The following NPHS2 variants were observed in gnomAD, a reference collection of about 807,000 sequenced individuals.
NPHS2 encodes podocin.
Under a neutral mutation model 37.1 loss-of-function variants are expected in NPHS2, and 36 were observed. The observed-to-expected ratio is 0.97, with a 90% CI of 0.74 to 1.28. NPHS2 has a LOEUF of 1.28. NPHS2 is among the 50% of genes most tolerant of loss of function. The pLI is 0.00. For missense variants in NPHS2, 447 were observed against 488.1 expected, an observed-to-expected ratio of 0.92 and a Z score of 0.79; for synonymous variants, 196 against 189.3, an observed-to-expected ratio of 1.04 and a Z score of -0.29.
intron 6 of NPHS2, among the ~76,000 whole-genome samples, chr1:179,554,140 C>G (rs1928005): frequency 0.12 from 17,818 of 152,150 alleles, 1,212 homozygotes; most frequent in African/African-American, 0.16. Flanking sequence ...TCTCAAACTC[C>G]TGACCTCAAG....
Position 179,551,067 on chromosome 1 carries a change from A to T in NPHS2, c.*106T>A, listed in dbSNP as rs578161646. ...ACTTCGTGCATTCCATGGCCATTCC[A>T]TATGGCAACCAAAGGAAGGGCAGGG... is the stretch of plus-strand genomic sequence containing the variant. On this transcript the variant is annotated 3_prime_UTR_variant, in exon 8 of 8. Transcript: ENST00000367615. 1 of 1,407,682 alleles carries T rather than the reference A, an allele frequency of 7.1e-7. No individual in the cohort carries two copies. Among genetic ancestry groups the T allele is most frequent in the South Asian group, 1.2e-5 (1 of 84,646 alleles). The allele number at this position is 1,407,682 out of a possible 1,614,324, so 87.2% of individuals were successfully genotyped here. A position where few individuals can be genotyped will look rare whatever the true frequency, so the allele number is the denominator to read the frequency against.
rs773060365 is a variant in NPHS2, at chr1:179,559,704, T to G, written c.509A>C (p.Gln170Pro). The change falls in exon 4 of 8, where the codon CAA (glutamine) becomes CCA (proline). Residue 170 changes from glutamine to proline, a missense_variant. Physicochemically the swap from Gln to Pro is moderately conservative, Grantham distance 76. Transcript: ENST00000367615. The part of the protein sequence containing the change: ...DTYHKVDLRL[Q>P]TLEIPFHEIV... ...CTCATGAAAAGGTATCTCCAGAGTT[T>G]GGAGACGAAGGTCAACCTTGTGGTA... 6.3e-7 allele frequency: 1 copy of G among 1,591,310 alleles called. No individual in the cohort carries two copies. The highest frequency in any genetic ancestry group is 8.6e-7 in the Non-Finnish European group (1 of 1,166,262).
intron 1 of NPHS2, among the ~76,000 whole-genome samples, chr1:179,568,996 A>T (rs1440586819): frequency 6.6e-6 from 1 of 152,054 alleles, no homozygotes; most frequent in Non-Finnish European, 1.5e-5. Context: ...TAGAATAAAT[A>T]TGATGTGGTG....
At chr1:179,568,670 T>C (rs1674427927) in intron 1 of NPHS2, among the ~76,000 whole-genome samples, 1 of 152,252 alleles carries the variant, frequency 6.6e-6, no homozygotes, top group African/African-American at 2.4e-5. Context: ...TCTTTCCTGG[T>C]TTCTCTTGTG....
At chr1:179,564,562 G>C in intron 2 of NPHS2, 128 bp downstream of exon 2, 2 of 819,276 alleles carry the variant, frequency 2.4e-6, no homozygotes, top group Non-Finnish European at 4.2e-6. Flanking sequence ...ATCCTGGAAG[G>C]TGAGTCTGGG....
intron 1 of NPHS2, among the ~76,000 whole-genome samples, chr1:179,569,500 G>A (rs992441777): frequency 3.9e-5 from 6 of 152,088 alleles, no homozygotes; most frequent in African/African-American, 1.4e-4. Context: ...TATCCAATTT[G>A]CCAGTCTGTG....
At position 179,568,473 on chromosome 1, in the gene NPHS2, T is replaced by C. The variant is rs1572290820; in HGVS notation, c.275-3680A>G. Among the ~76,000 whole-genome samples the C allele has an allele frequency of 2.6e-5, 4 of 151,846 alleles. No individual in the cohort carries two copies. In the South Asian group the frequency reaches 8.3e-4, roughly 31 times the overall value. ...TTCTTTATTAGTCTTGCTAGCGGTC[T>C]ATTTTGTTAATCTTTTCAAAAAACC... On this transcript the variant is annotated intron_variant, in intron 1 of 7. Coordinates refer to ENST00000367615, the MANE Select transcript of NPHS2 (RefSeq NM_014625.4).
intron 4 of NPHS2, among the ~76,000 whole-genome samples, chr1:179,558,189 A>G (rs183366670): frequency 2.6e-5 from 4 of 152,178 alleles, no homozygotes; most frequent in East Asian, 1.9e-4. Flanking sequence ...TAACTCTTTC[A>G]TCTTGTAAAA....
intron 6 of NPHS2, among the ~76,000 whole-genome samples, chr1:179,553,574 C>G (rs1318587150): frequency 1.3e-5 from 2 of 152,158 alleles, no homozygotes; most frequent in African/African-American, 4.8e-5. Flanking sequence ...GAGACAGAAA[C>G]TAAATTAGTG....
At chr1:179,574,156 G>A (rs919283463) in intron 1 of NPHS2, among the ~76,000 whole-genome samples, 1 of 152,112 alleles carries the variant, frequency 6.6e-6, no homozygotes, top group African/African-American at 2.4e-5. Flanking sequence ...TCCTGCTTTT[G>A]TTACTCTGTA....
At chr1:179,558,711 A>G (rs1674026096) in intron 4 of NPHS2, among the ~76,000 whole-genome samples, 1 of 152,126 alleles carries the variant, frequency 6.6e-6, no homozygotes, top group Non-Finnish European at 1.5e-5. Flanking sequence ...ACAGTGCACG[A>G]GGGTTCCAAT....
intron 1 of NPHS2, 133 bp downstream of exon 1, chr1:179,575,458 G>T: frequency 7.9e-7 from 1 of 1,269,358 alleles, no homozygotes; most frequent in Non-Finnish European, 1.1e-6. Flanking sequence ...ACGCCCTTCC[G>T]TTCCTGGGAA....
intron 1 of NPHS2, among the ~76,000 whole-genome samples, chr1:179,565,165 G>T (rs564804730): frequency 1.3e-5 from 2 of 152,044 alleles, no homozygotes; most frequent in Non-Finnish European, 2.9e-5. Context: ...TTCCAGCTAC[G>T]CAGGAGGCTG....
At chr1:179,575,190 G>A (rs150536787) in intron 1 of NPHS2, among the ~76,000 whole-genome samples, 1,602 of 152,244 alleles carry the variant, frequency 0.011, 41 homozygotes, top group African/African-American at 0.036. Flanking sequence ...GAGGGGTGGG[G>A]ACGCTGGAAG....
chr1:179,572,007 G>A (rs531904935), intron 1 of NPHS2, among the ~76,000 whole-genome samples: 22 of 152,304 alleles, frequency 1.4e-4, no homozygotes, highest in East Asian at 3.9e-4. Context: ...GAAATCCCCC[G>A]ACCCCTTGTG....
At chr1:179,554,689 T>G in intron 5 of NPHS2, 158 bp from the exon 6 acceptor site, 1 of 946,324 alleles carries the variant, frequency 1.1e-6, no homozygotes. Flanking sequence ...TTGCAAAGAG[T>G]TGTTTAACTT....
intron 2 of NPHS2, among the ~76,000 whole-genome samples, chr1:179,562,064 C>T (rs915288130): frequency 6.6e-6 from 1 of 152,184 alleles, no homozygotes; most frequent in Non-Finnish European, 1.5e-5. Flanking sequence ...GCTTTGGCCT[C>T]CCAAAGTGCT....
intron 6 of NPHS2, among the ~76,000 whole-genome samples, chr1:179,553,588 G>T (rs1316863032): frequency 3.3e-5 from 5 of 152,188 alleles, no homozygotes; most frequent in Admixed American, 2.6e-4. Flanking sequence ...ATTAGTGGTT[G>T]CCAGGGATTA....
At chr1:179,572,751 C>T (rs759642378) in intron 1 of NPHS2, among the ~76,000 whole-genome samples, 26 of 151,524 alleles carry the variant, frequency 1.7e-4, no homozygotes, top group Non-Finnish European at 3.2e-4. Flanking sequence ...TCCTTTCTTC[C>T]TTCCTTCTTT....
Sources: allele counts gnomAD v4.1 joint callset (sites outside exome capture counted in the v4.1 genomes callset), GRCh38; gene constraint gnomAD v4.1.1; transcripts MANE v1.5; gene names NCBI Gene and HGNC (gene_info 2026-07-23, HGNC 2026-07-21).